The following STK32A variants were observed in gnomAD, a reference collection of about 807,000 sequenced individuals.
The protein encoded by STK32A is serine/threonine-protein kinase 32A.
STK32A carries 41 observed loss-of-function variants against 53.2 expected under a neutral mutation model. The observed-to-expected ratio is 0.77, with a 90% CI of 0.60 to 1.00. The LOEUF (loss-of-function observed/expected upper bound fraction) is 1.00. STK32A is among the 50% of genes least tolerant of loss of function. The pLI is 0.00. For missense variants in STK32A, 458 were observed against 485.8 expected (o/e 0.94, Z 0.54); for synonymous variants, 166 against 162.8 (o/e 1.02, Z -0.15).
intron 5 of STK32A, among the ~76,000 whole-genome samples, chr5:147,335,167 C>T (rs772739762): frequency 3.9e-5 from 6 of 152,142 alleles, no homozygotes; most frequent in Non-Finnish European, 7.3e-5. Context: ...GGGGGGATTA[C>T]TATACTACGA....
At chr5:147,291,831 AC>A (rs1752613337) in intron 4 of STK32A, among the ~76,000 whole-genome samples, 2 of 152,342 alleles carry the variant, frequency 1.3e-5, no homozygotes, top group Admixed American at 1.3e-4. Flanking sequence ...TGTTATCAGG[AC>A]CAACATACTT....
chr5:147,268,574 G>T (rs901806991), intron 2 of STK32A, among the ~76,000 whole-genome samples: 2 of 152,172 alleles, frequency 1.3e-5, no homozygotes, highest in Non-Finnish European at 2.9e-5. Context: ...AGCCCTTTAT[G>T]TTGTGATTTT....
At chr5:147,293,006 T>C (rs1752678137) in intron 4 of STK32A, among the ~76,000 whole-genome samples, 2 of 152,250 alleles carry the variant, frequency 1.3e-5, no homozygotes, top group African/African-American at 2.4e-5. Context: ...TCCATTGATA[T>C]GATTTCCAAA....
chr5:147,389,284 C>T (rs76824900), downstream of STK32A, among the ~76,000 whole-genome samples: 1,560 of 152,310 alleles, frequency 0.01, 32 homozygotes, highest in African/African-American at 0.035. Context: ...GCCACAGCCA[C>T]GGCTCTTTTT....
chr5:147,401,380 C>T, the STK32A span, among the ~76,000 whole-genome samples: 334 of 152,254 alleles, frequency 2.2e-3, 5 homozygotes, highest in South Asian at 0.02. Flanking sequence ...GGGGAAGAGC[C>T]TGCTTTCTAC....
intron 4 of STK32A, among the ~76,000 whole-genome samples, chr5:147,286,056 C>T (rs1165732367): frequency 6.6e-6 from 1 of 152,070 alleles, no homozygotes. Context: ...GATAAAGAAA[C>T]TGTGGTATAT....
intron 5 of STK32A, among the ~76,000 whole-genome samples, chr5:147,327,739 A>T (rs7728309): frequency 6.6e-6 from 1 of 152,118 alleles, no homozygotes; most frequent in Non-Finnish European, 1.5e-5. Context: ...CTGAAAAATT[A>T]CTTGCCCAAG....
intron 7 of STK32A, among the ~76,000 whole-genome samples, chr5:147,360,705 C>T (rs1245838558): frequency 2.0e-5 from 3 of 152,114 alleles, no homozygotes; most frequent in Admixed American, 6.6e-5. Context: ...ATTCTGAATG[C>T]CAGATTCTGT....
intron 11 of STK32A, among the ~76,000 whole-genome samples, chr5:147,379,104 A>C (rs1302847751): frequency 6.6e-6 from 1 of 151,422 alleles, no homozygotes; most frequent in East Asian, 1.9e-4. Flanking sequence ...TTCCTTGAGC[A>C]GTGGTTTGTA....
intron 4 of STK32A, among the ~76,000 whole-genome samples, chr5:147,323,450 C>G (rs534298396): frequency 6.6e-6 from 1 of 152,152 alleles, no homozygotes; most frequent in East Asian, 1.9e-4. Context: ...TATAATGTTG[C>G]TGGGCAATGA....
intron 4 of STK32A, among the ~76,000 whole-genome samples, chr5:147,280,174 C>A (rs1398980425): frequency 6.6e-6 from 1 of 151,922 alleles, no homozygotes; most frequent in Admixed American, 6.6e-5. Context: ...GGGAGAGGAG[C>A]GGGGGTAAAA....
At chr5:147,270,086 G>GT (rs1754964064) in intron 2 of STK32A, among the ~76,000 whole-genome samples, 1 of 152,082 alleles carries the variant, frequency 6.6e-6, no homozygotes, top group Non-Finnish European at 1.5e-5. Context: ...AAAGCAATTG[G>GT]TTTTAAATAG....
chr5:147,252,966 A>G (rs1754063274), intron 2 of STK32A, among the ~76,000 whole-genome samples: 1 of 152,170 alleles, frequency 6.6e-6, no homozygotes, highest in Non-Finnish European at 1.5e-5. Flanking sequence ...TATAAAAGAC[A>G]CTTGATATAT....
chr5:147,384,227 T>C lies in STK32A; in HGVS notation c.*244T>C, dbSNP rs1757564452. ...CACTTAGCCACTTTCTGTGCTTTAC[T>C]TTATTTATCTAAAATGAGAGGGTTA... On this transcript the variant is annotated 3_prime_UTR_variant, in exon 13 of 13. Coordinates refer to ENST00000397936, the MANE Select transcript of STK32A (RefSeq NM_001112724.2). The C allele has an allele frequency of 1.5e-6, 2 of 1,360,274 alleles. No individual in the cohort carries two copies. Among genetic ancestry groups the C allele is most frequent in the Non-Finnish European group, 1.9e-6 (2 of 1,048,946 alleles). The allele number at this position is 1,360,274 out of a possible 1,614,324, so 84.3% of individuals were successfully genotyped here.
chr5:147,327,925 G>A (rs1754681828), intron 5 of STK32A, among the ~76,000 whole-genome samples: 1 of 152,216 alleles, frequency 6.6e-6, no homozygotes, highest in Admixed American at 6.5e-5. Flanking sequence ...GGAACGGACA[G>A]ACAGAGAACA....
At chr5:147,335,855 G>A (rs1283278170) in intron 5 of STK32A, among the ~76,000 whole-genome samples, 1 of 152,260 alleles carries the variant, frequency 6.6e-6, no homozygotes, top group East Asian at 1.9e-4. Context: ...ATGAATGTGT[G>A]TGTTACAGAG....
chr5:147,338,450 A>C (rs575285654), intron 5 of STK32A, among the ~76,000 whole-genome samples: 4 of 152,300 alleles, frequency 2.6e-5, no homozygotes, highest in African/African-American at 9.6e-5. Flanking sequence ...CAGTGTGAGA[A>C]TAGACTAATA....
intron 2 of STK32A, among the ~76,000 whole-genome samples, chr5:147,266,442 A>G (rs1022572719): frequency 4.6e-5 from 7 of 152,226 alleles, no homozygotes; most frequent in African/African-American, 1.7e-4. Flanking sequence ...TAGAAGGTAC[A>G]TATTATAAAT....
chr5:147,360,450 C>CAAAAAAAAAA (rs56690647), intron 7 of STK32A, among the ~76,000 whole-genome samples: 5 of 81,176 alleles, frequency 6.2e-5, no homozygotes, highest in African/African-American at 1.3e-4. Context: ...GATTCTGTCT[C>CAAAAAAAAAA]AAAAAAAAAA....
Sources: allele counts gnomAD v4.1 joint callset (sites outside exome capture counted in the v4.1 genomes callset), GRCh38; gene constraint gnomAD v4.1.1; transcripts MANE v1.5; gene names NCBI Gene and HGNC (gene_info 2026-07-23, HGNC 2026-07-21).